Variants in PDE6B observed in about 807,000 individuals in gnomAD.
PDE6B encodes phosphodiesterase 6B, also known as rod cGMP-specific 3',5'-cyclic phosphodiesterase subunit beta.
PDE6B carries 106 observed loss-of-function variants against 109.0 expected under a neutral mutation model. The ratio of observed to expected loss-of-function variants is 0.97; its 90% CI spans 0.83 to 1.14. The LOEUF (loss-of-function observed/expected upper bound fraction) is 1.14, where lower values mean the gene tolerates loss of function less well. Ranked by LOEUF, PDE6B falls within the 50% of genes most tolerant of loss-of-function variation. The probability of loss-of-function intolerance (pLI) is 0.00; values close to 1 mark genes in which losing one functional copy is unlikely to be tolerated. For synonymous variants in PDE6B, 490 were observed against 471.3 expected, an observed-to-expected ratio of 1.04 and a Z score of -0.51; for missense variants, 1,193 against 1,155.6, an observed-to-expected ratio of 1.03 and a Z score of -0.47.
intron 3 of PDE6B, among the ~76,000 whole-genome samples, chr4:638,051 G>A (rs116502624): frequency 1.8e-3 from 279 of 152,314 alleles, no homozygotes; most frequent in African/African-American, 6.4e-3. Flanking sequence ...CCAGAAGGCG[G>A]CTTGCTCTGT....
chr4:657,121 CGT>C, intron 9 of PDE6B, 98 bp downstream of exon 9: 1 of 1,332,572 alleles, frequency 7.5e-7, no homozygotes, highest in Non-Finnish European at 1.1e-6. Context: ...CGGCTGTGTG[CGT>C]GTGCTCATGT....
intron 3 of PDE6B, among the ~76,000 whole-genome samples, chr4:642,750 A>AAAAAAAAAAAAAAAAAC (rs1735008472): frequency 6.6e-6 from 1 of 150,696 alleles, no homozygotes; most frequent in African/African-American, 2.4e-5. Flanking sequence ...AAAAAAAAAA[A>AAAAAAAAAAAAAAAAAC]GAATGCCCTT....
chr4:626,108 G>C lies in PDE6B; in HGVS notation c.468+14G>C. ...GACGTGGCCGAGGTGGGTCTGTGCG[G>C]AGCCTCAGGGAGGCGGCTGTGTGCA... On this transcript the variant is annotated intron_variant, in intron 1 of 21. Coordinates refer to ENST00000496514, the MANE Select transcript of PDE6B (RefSeq NM_000283.4). This position sits in a 1 kb window ranked among gnomAD's most constrained non-coding sequence, Gnocchi z 4.6. 1 of 1,467,420 alleles carries C rather than the reference G, an allele frequency of 6.8e-7. No homozygotes were observed. Among genetic ancestry groups the C allele is most frequent in the South Asian group, 1.2e-5 (1 of 83,250 alleles). 90.9% of individuals were successfully genotyped at this position (1,467,420 alleles called of 1,614,324 possible).
In PDE6B at chr4:657,890, C is replaced by T. The variant is rs113260926; in HGVS notation, c.1401+396C>T. Among the ~76,000 whole-genome samples the T allele has an allele frequency of 0.085, 10,866 of 127,650 alleles. 734 individuals carry two copies. Among genetic ancestry groups the T allele is most frequent in the Middle Eastern group, 0.12 (20 of 160 alleles). The allele number at this position is 127,650 out of a possible 152,430, so 83.7% of individuals were successfully genotyped here. A position where few individuals can be genotyped will look rare whatever the true frequency, so the allele number is the denominator to read the frequency against. Reference sequence around the variant, plus strand: ...CGGCAGGGGCAGGTCGTCCAGGGGTCACCCAGGGGTCATGGCTGTGTGGCA... The same window carrying T: ...CGGCAGGGGCAGGTCGTCCAGGGGTTACCCAGGGGTCATGGCTGTGTGGCA... On this transcript the variant is annotated intron_variant, in intron 10 of 21. Transcript: ENST00000496514.
At chr4:655,759 G>A (rs1736147182) in intron 6 of PDE6B, 181 bp from the exon 7 acceptor site, 1 of 667,412 alleles carries the variant, frequency 1.5e-6, no homozygotes, top group Admixed American at 2.1e-5. Flanking sequence ...AGCGCAGCCT[G>A]GCCCCTCTGA....
At chr4:632,461 T>C (rs1734434811) in intron 1 of PDE6B, among the ~76,000 whole-genome samples, 1 of 151,958 alleles carries the variant, frequency 6.6e-6, no homozygotes, top group Non-Finnish European at 1.5e-5. Flanking sequence ...GGTCACGTTG[T>C]GTGGATCTGC....
intron 3 of PDE6B, among the ~76,000 whole-genome samples, chr4:638,405 C>T (rs1734795564): frequency 1.3e-5 from 2 of 152,084 alleles, no homozygotes; most frequent in Admixed American, 6.5e-5. Flanking sequence ...TCACTGCAAC[C>T]TCCGCCTCCC....
chr4:645,854 T>C (rs537515519), intron 3 of PDE6B, among the ~76,000 whole-genome samples: 5 of 152,040 alleles, frequency 3.3e-5, no homozygotes, highest in African/African-American at 7.3e-5. Context: ...CTCTTCCAAA[T>C]AGCATTATAC....
In PDE6B at chr4:657,465, T is replaced by C; in HGVS notation, c.1372T>C (p.Cys458Arg). ...AQDMVLYHVK[C>R]DRDEIQLILP... ...GGACATGGTCCTTTACCACGTGAAG[T>C]GCGACAGGGACGAGATCCAGCTCAT... Residue 458 changes from cysteine to arginine, a missense_variant, in exon 10 of 22, where the codon TGC (cysteine) becomes CGC (arginine). Cys to Arg is a radical substitution (Grantham distance 180). Coordinates refer to ENST00000496514, the MANE Select transcript of PDE6B (RefSeq NM_000283.4). The C allele has an allele frequency of 1.2e-6, 2 of 1,613,304 alleles. No homozygotes were observed. The highest frequency in any genetic ancestry group is 1.7e-6 in the Non-Finnish European group (2 of 1,179,918).
chr4:661,743 C>T (rs1315576787), intron 12 of PDE6B: 1 of 317,604 alleles, frequency 3.1e-6, no homozygotes, highest in Non-Finnish European at 6.2e-6. Flanking sequence ...CATCGGTTCT[C>T]CCACCCCAGC....
At chr4:652,610 A>G (rs1355826106) in intron 3 of PDE6B, 1 of 431,160 alleles carries the variant, frequency 2.3e-6, no homozygotes, top group Non-Finnish European at 3.1e-6. Context: ...TAAATTAAAA[A>G]TAAGAATAAG....
intron 3 of PDE6B, among the ~76,000 whole-genome samples, chr4:642,725 CAAAA>C (rs71636506): frequency 2.1e-4 from 9 of 43,332 alleles, no homozygotes; most frequent in East Asian, 7.7e-4. Flanking sequence ...GACACTGTCT[CAAAA>C]AAAAAAAAAA....
chr4:660,496 T>G lies in PDE6B; in HGVS notation c.1497T>G (p.Phe499Leu), dbSNP rs150000610. The G allele has an allele frequency of 1.7e-4, 274 of 1,613,976 alleles. No homozygotes were observed. The African/African-American group carries it at 2.3e-3, about 14-fold the overall frequency. ...AGGAGCTGCCAGGGCCCACCACATTTGACATCTACGAATTCCACTTCTCTG... is the reference window on the plus strand; with the variant it reads ...AGGAGCTGCCAGGGCCCACCACATTGGACATCTACGAATTCCACTTCTCTG... Reference protein sequence around the residue: ...LKEELPGPTTFDIYEFHFSDL... With the variant: ...LKEELPGPTTLDIYEFHFSDL... Residue 499 changes from phenylalanine (F) to leucine (L), a missense_variant, in exon 12 of 22, where the codon TTT (phenylalanine) becomes TTG (leucine). Phe to Leu is a conservative substitution (Grantham distance 22, BLOSUM62 0). Transcript: ENST00000496514.
Position 665,278 on chromosome 4 carries a change from G to C in PDE6B, c.2217G>C (p.Glu739Asp), listed in dbSNP as rs962147195. Residue 739 changes from glutamate (E) to aspartate (D), a missense_variant, in exon 19 of 22, where the codon GAG becomes GAC. Glu to Asp is a conservative substitution (Grantham distance 45). Transcript: ENST00000496514. This position sits in a 1 kb window ranked among gnomAD's most constrained non-coding sequence, Gnocchi z 4.0. ...AGGTCGCACTTCTCGTGGCTGCTGAGTTCTGGGAGCAAGGTGACTTGGAAA... is the reference window on the plus strand; with the variant it reads ...AGGTCGCACTTCTCGTGGCTGCTGACTTCTGGGAGCAAGGTGACTTGGAAA... ...QSKVALLVAA[E>D]FWEQGDLERT... 1 of 1,613,048 alleles carries C rather than the reference G, an allele frequency of 6.2e-7. No homozygotes were observed. The highest frequency in any genetic ancestry group is 2.2e-5 in the East Asian group (1 of 44,872).
chr4:654,497 C>T (rs1374650266), intron 5 of PDE6B: 2 of 584,066 alleles, frequency 3.4e-6, no homozygotes, highest in African/African-American at 1.9e-5. Flanking sequence ...ACGGGCCCAG[C>T]TTGTGTGTGG....
In PDE6B at chr4:664,095, C is replaced by T. The variant is rs752050032; in HGVS notation, c.2022-19C>T. 6.5e-7 allele frequency: 1 copy of T among 1,534,692 alleles called. No individual in the cohort carries two copies. The highest frequency in any genetic ancestry group is 9.0e-7 in the Non-Finnish European group (1 of 1,108,014). The stretch of plus-strand genomic sequence containing the variant: ...CCACACTTGCTCCCACCTGCACCTC[C>T]CTTGTTCCCTGGGTTCAGGAAGAGA... On this transcript the variant is annotated intron_variant, in intron 16 of 21. Coordinates refer to ENST00000496514, the MANE Select transcript of PDE6B (RefSeq NM_000283.4).
At position 656,285 on chromosome 4, in the gene PDE6B, A is replaced by G. The variant is rs376244350; in HGVS notation, c.1100A>G (p.Lys367Arg). The change falls in exon 8 of 22, where the codon AAA becomes AGA. Residue 367 changes from lysine (K) to arginine (R), a missense_variant. Lys to Arg is a conservative substitution (Grantham distance 26, BLOSUM62 2). Transcript: ENST00000496514. Reference protein sequence around the residue: ...IMNASADEMFKFQEGALDDSG... With the variant: ...IMNASADEMFRFQEGALDDSG... The stretch of plus-strand genomic sequence containing the variant: ...AATGCTTCCGCTGACGAAATGTTCA[A>G]ATTTCAGGTATCTGTCTGTGCCTTG... 3.8e-6 allele frequency: 6 copies of G among 1,569,952 alleles called. No homozygotes were observed. In the African/African-American group the frequency reaches 4.0e-5, roughly 11 times the overall value.
chr4:649,451 G>A (rs1479129785), intron 3 of PDE6B, among the ~76,000 whole-genome samples: 1 of 152,072 alleles, frequency 6.6e-6, no homozygotes, highest in East Asian at 1.9e-4. Context: ...CTTCAGTAGG[G>A]CCGAGGCCCG....
In PDE6B at chr4:670,543, G is replaced by A; in HGVS notation, c.*436G>A. On this transcript the variant is annotated 3_prime_UTR_variant, in exon 22 of 22. Coordinates refer to ENST00000496514, the MANE Select transcript of PDE6B (RefSeq NM_000283.4). ...AGGCATGAGCCACCACGCCCAGCCT[G>A]TTTTTATAAACTGAAGCCAACTGTG... The A allele has an allele frequency of 4.6e-6, 1 of 215,976 alleles. No individual in the cohort carries two copies. Among genetic ancestry groups the A allele is most frequent in the Non-Finnish European group, 9.5e-6 (1 of 105,490 alleles). The allele number at this position is 215,976 out of a possible 1,614,324, so 13.4% of individuals were successfully genotyped here. A position where few individuals can be genotyped will look rare whatever the true frequency, so the allele number is the denominator to read the frequency against.
Sources: allele counts gnomAD v4.1 joint callset (sites outside exome capture counted in the v4.1 genomes callset), GRCh38; gene constraint gnomAD v4.1.1; non-coding constraint Gnocchi (gnomAD v3.1); transcripts MANE v1.5; gene names NCBI Gene and HGNC (gene_info 2026-07-23, HGNC 2026-07-21).